The following SLC35F1 variants were observed in gnomAD, a reference collection of about 807,000 sequenced individuals.
SLC35F1 encodes solute carrier family 35 member F1, also known as chromosome 6 open reading frame 169.
SLC35F1 carries 14 observed loss-of-function variants against 48.7 expected under a neutral mutation model. The ratio of observed to expected loss-of-function variants is 0.29; its 90% CI spans 0.19 to 0.45. The LOEUF is 0.45. SLC35F1 is among the 20% of genes least tolerant of loss of function. The probability of loss-of-function intolerance (pLI) is 1.00; values close to 1 mark genes in which losing one functional copy is unlikely to be tolerated. For missense variants in SLC35F1, 404 were observed against 500.0 expected, an observed-to-expected ratio of 0.81 and a Z score of 1.83; for synonymous variants, 190 against 202.2, an observed-to-expected ratio of 0.94 and a Z score of 0.51.
At chr6:117,944,586 T>TACACACACACACACACAC (rs373551582) in intron 1 of SLC35F1, among the ~76,000 whole-genome samples, 362 of 146,374 alleles carry the variant, frequency 2.5e-3, no homozygotes, top group Non-Finnish European at 4.6e-3. Flanking sequence ...AACACACACA[T>TACACACACACACACACAC]ACACATACAC....
At chr6:118,132,325 G>A (rs761334754) in intron 1 of SLC35F1, among the ~76,000 whole-genome samples, 14 of 152,310 alleles carry the variant, frequency 9.2e-5, no homozygotes, top group Non-Finnish European at 1.5e-4. Context: ...TGGCACACTC[G>A]TGTGCCTTTA....
chr6:118,181,872 G>C (rs1774582823), intron 2 of SLC35F1, among the ~76,000 whole-genome samples: 1 of 152,096 alleles, frequency 6.6e-6, no homozygotes, highest in African/African-American at 2.4e-5. Context: ...TTTAGTTAGA[G>C]TTAAACAATC....
chr6:118,049,220 G>A (rs1008704155), intron 1 of SLC35F1, among the ~76,000 whole-genome samples: 4 of 152,050 alleles, frequency 2.6e-5, no homozygotes, highest in African/African-American at 9.7e-5. Flanking sequence ...AATTCAAGAT[G>A]GATTAAAGAC....
chr6:117,914,489 A>T (rs1775803979), intron 1 of SLC35F1, among the ~76,000 whole-genome samples: 1 of 152,176 alleles, frequency 6.6e-6, no homozygotes, highest in Non-Finnish European at 1.5e-5. Flanking sequence ...TCTGTCGTAT[A>T]AGATAGATCT....
chr6:117,908,331 C>T (rs1775721510), intron 1 of SLC35F1, among the ~76,000 whole-genome samples: 1 of 152,222 alleles, frequency 6.6e-6, no homozygotes, highest in Non-Finnish European at 1.5e-5. Flanking sequence ...TCCTGGGCCT[C>T]GTGCTGTCCT....
intron 2 of SLC35F1, among the ~76,000 whole-genome samples, chr6:118,225,132 A>G (rs538624596): frequency 5.9e-5 from 9 of 152,358 alleles, no homozygotes; most frequent in Middle Eastern, 6.8e-3. Flanking sequence ...TGTAATTGCT[A>G]TCAAAGTACC....
At chr6:117,997,570 G>A (rs1382257422) in intron 1 of SLC35F1, among the ~76,000 whole-genome samples, 5 of 152,206 alleles carry the variant, frequency 3.3e-5, no homozygotes, top group Admixed American at 3.3e-4. Context: ...ACTAACAGTG[G>A]ATCTCTCAGC....
intron 2 of SLC35F1, among the ~76,000 whole-genome samples, chr6:118,170,379 G>GA (rs1345828069): frequency 1.3e-5 from 2 of 152,154 alleles, no homozygotes; most frequent in Non-Finnish European, 2.9e-5. Flanking sequence ...ATTCTACAAA[G>GA]AAGCCGTGGA....
intron 7 of SLC35F1, among the ~76,000 whole-genome samples, chr6:118,302,190 A>G (rs1776260653): frequency 6.6e-6 from 1 of 152,124 alleles, no homozygotes; most frequent in Non-Finnish European, 1.5e-5. Flanking sequence ...GGTTTTCACT[A>G]CTTACGAGGA....
intron 1 of SLC35F1, among the ~76,000 whole-genome samples, chr6:117,946,599 ACT>A (rs1179972387): frequency 2.0e-5 from 3 of 152,172 alleles, no homozygotes; most frequent in Admixed American, 2.0e-4. Context: ...CTACATGTAA[ACT>A]CTTAAGTGGT....
intron 1 of SLC35F1, among the ~76,000 whole-genome samples, chr6:118,047,512 T>C (rs1305448833): frequency 1.3e-5 from 2 of 152,188 alleles, no homozygotes; most frequent in African/African-American, 2.4e-5. Context: ...AACAGTAATG[T>C]TGGTTGAGCA....
chr6:118,174,193 C>T (rs1774453151), intron 2 of SLC35F1, among the ~76,000 whole-genome samples: 2 of 151,932 alleles, frequency 1.3e-5, no homozygotes, highest in Non-Finnish European at 2.9e-5. Flanking sequence ...TGCAATGAAG[C>T]AAGAAAATGT....
At position 117,923,766 on chromosome 6, in the gene SLC35F1, C is replaced by CATGTACAT. The variant is rs1775971186; in HGVS notation, c.173+15869_173+15870insGTACATAT. 1.7e-4 allele frequency among the ~76,000 whole-genome samples: 3 copies of CATGTACAT among 17,830 alleles called. 1 individual carries two copies. The highest frequency in any genetic ancestry group is 2.9e-4 in the Non-Finnish European group (3 of 10,262). The allele number at this position is 17,830 out of a possible 152,430, so 11.7% of individuals were successfully genotyped here. Reference sequence around the variant, plus strand: ...ATATATGTACATATATACATATGCACATACATATGTATATATACATATATG... The same window carrying CATGTACAT: ...ATATATGTACATATATACATATGCACATGTACATATACATATGTATATATACATATATG... On this transcript the variant is annotated intron_variant, in intron 1 of 7. Transcript: ENST00000360388.
At chr6:118,219,214 T>C (rs982875885) in intron 2 of SLC35F1, among the ~76,000 whole-genome samples, 3 of 152,202 alleles carry the variant, frequency 2.0e-5, no homozygotes, top group Admixed American at 2.0e-4. Context: ...AATAGAGACC[T>C]TAAGTTCTAT....
intron 7 of SLC35F1, among the ~76,000 whole-genome samples, chr6:118,303,208 T>C (rs1776274538): frequency 1.3e-5 from 2 of 152,178 alleles, no homozygotes; most frequent in African/African-American, 4.8e-5. Context: ...ATGATAGTAT[T>C]TCCTGATGAT....
At chr6:117,947,626 G>A (rs947734377) in intron 1 of SLC35F1, among the ~76,000 whole-genome samples, 1 of 152,132 alleles carries the variant, frequency 6.6e-6, no homozygotes, top group African/African-American at 2.4e-5. Context: ...TGAAGTTAGA[G>A]CCATCAGGAT....
chr6:117,924,482 A>ATGTGTG (rs1775997821), intron 1 of SLC35F1, among the ~76,000 whole-genome samples: 1 of 16,798 alleles, frequency 6.0e-5, no homozygotes, highest in Non-Finnish European at 2.1e-4. Context: ...ACATATGTAT[A>ATGTGTG]TACGTATATA....
chr6:118,291,514 T>A (rs1290778185), intron 7 of SLC35F1, among the ~76,000 whole-genome samples: 1 of 152,226 alleles, frequency 6.6e-6, no homozygotes, highest in Non-Finnish European at 1.5e-5. Context: ...CTTTTTACTT[T>A]CTTGCTAATG....
intron 1 of SLC35F1, among the ~76,000 whole-genome samples, chr6:118,141,837 C>T (rs1019449712): frequency 1.3e-5 from 2 of 152,206 alleles, no homozygotes; most frequent in South Asian, 2.1e-4. Flanking sequence ...GCTTTCCCTA[C>T]CAGTCCTCGT....
Sources: allele counts gnomAD v4.1 joint callset (sites outside exome capture counted in the v4.1 genomes callset), GRCh38; gene constraint gnomAD v4.1.1; transcripts MANE v1.5; gene names NCBI Gene and HGNC (gene_info 2026-07-23, HGNC 2026-07-21).